The following ESPL1 variants were observed in gnomAD, a reference collection of about 807,000 sequenced individuals.
ESPL1 encodes the protein separin.
Under a neutral mutation model 217.2 loss-of-function variants are expected in ESPL1, and 50 were observed. The ratio of observed to expected loss-of-function variants is 0.23; its 90% CI spans 0.18 to 0.29. The LOEUF (loss-of-function observed/expected upper bound fraction) is 0.29, where lower values mean the gene tolerates loss of function less well. Among genes scored for constraint, ESPL1 ranks in the 10% least tolerant of loss-of-function variants. The pLI is 1.00. For missense variants in ESPL1, 1,834 were observed against 2,603.0 expected (o/e 0.70, Z 6.43); for synonymous variants, 994 against 1,081.3 (o/e 0.92, Z 1.58).
intron 7 of ESPL1, 43 bp downstream of exon 7, chr12:53,275,053 A>T (rs547227185): frequency 6.8e-7 from 1 of 1,461,242 alleles, no homozygotes; most frequent in African/African-American, 1.4e-5. Flanking sequence ...TTGTAATCCC[A>T]GCACTTTGGG....
intron 6 of ESPL1, among the ~76,000 whole-genome samples, chr12:53,273,833 T>G: frequency 7.0e-6 from 1 of 143,802 alleles, no homozygotes; most frequent in Non-Finnish European, 1.5e-5. Flanking sequence ...TCTTGGTTTT[T>G]TGGTTTTTTT....
intron 3 of ESPL1, 58 bp downstream of exon 3, chr12:53,270,143 T>G: frequency 6.9e-7 from 1 of 1,445,268 alleles, no homozygotes; most frequent in Non-Finnish European, 9.5e-7. Context: ...ACTACCAGCC[T>G]AGGGTATTTG....
Position 53,282,394 on chromosome 12 carries a change from A to G in ESPL1, c.2750A>G (p.Asn917Ser), listed in dbSNP as rs1340462866. Residue 917 changes from asparagine (N) to serine (S), a missense_variant, in exon 14 of 31, where the codon AAC becomes AGC. Asn to Ser is a conservative substitution (Grantham distance 46, BLOSUM62 1). This residue lies in a region of ESPL1 where 107 missense variants were observed against 171.7 expected (regional missense o/e 0.62). Transcript: ENST00000257934. The surrounding 1 kb of genome is among the most constrained non-coding windows in gnomAD (Gnocchi z 4.0). ...LVAAYLSLPS[N>S]NLSHSLWEQL... Reference sequence around the variant, plus strand: ...GCAGCTTACCTTAGCCTCCCGTCAAACAACCTCTCACACTCCCTGTGGGAG... The same window carrying G: ...GCAGCTTACCTTAGCCTCCCGTCAAGCAACCTCTCACACTCCCTGTGGGAG... 4.3e-6 allele frequency: 7 copies of G among 1,614,008 alleles called. No homozygotes were observed. The highest frequency in any genetic ancestry group is 5.1e-6 in the Non-Finnish European group (6 of 1,180,018).
Position 53,274,812 on chromosome 12 carries a change from G to T in ESPL1, c.1507-5G>T, listed in dbSNP as rs1409198872. On this transcript the variant is annotated splice_region_variant and splice_polypyrimidine_tract_variant and intron_variant, in intron 6 of 30. Coordinates refer to ENST00000257934, the MANE Select transcript of ESPL1 (RefSeq NM_012291.5). The stretch of plus-strand genomic sequence containing the variant: ...CAGTTTGGTCTGTTCCCTTTCTCTG[G>T]TCAGTTGCACAGGTGCTTCCGGCTA... 1.2e-6 allele frequency: 2 copies of T among 1,613,198 alleles called. No homozygotes were observed. Among genetic ancestry groups the T allele is most frequent in the Admixed American group, 3.3e-5 (2 of 59,960 alleles).
chr12:53,290,056 A>G (rs777333073), intron 22 of ESPL1, 29 bp from the exon 23 acceptor site: 2 of 1,603,878 alleles, frequency 1.2e-6, no homozygotes, highest in African/African-American at 2.7e-5. Context: ...TTAACAGCTG[A>G]ATGAGTCTGG....
chr12:53,272,693 G>T (rs200564256), intron 5 of ESPL1, 28 bp from the exon 6 acceptor site: 45 of 1,609,078 alleles, frequency 2.8e-5, no homozygotes, highest in Non-Finnish European at 1.0e-5. Flanking sequence ...CCTTTCCTAT[G>T]GTCAATTGTG....
intron 17 of ESPL1, among the ~76,000 whole-genome samples, chr12:53,284,687 C>G (rs899549269): frequency 2.6e-5 from 4 of 152,010 alleles, no homozygotes; most frequent in Admixed American, 2.6e-4. Flanking sequence ...TTCAGTGCTT[C>G]CTAATACATT....
At chr12:53,268,975 C>T in intron 2 of ESPL1, 49 bp from the exon 3 acceptor site, 2 of 1,542,488 alleles carry the variant, frequency 1.3e-6, no homozygotes, top group Non-Finnish European at 8.9e-7. Context: ...ACTTTCTCTA[C>T]CTCTTTCCTG....
intron 24 of ESPL1, 46 bp from the exon 25 acceptor site, chr12:53,290,795 A>G: frequency 2.0e-6 from 3 of 1,528,772 alleles, no homozygotes; most frequent in Non-Finnish European, 2.7e-6. Flanking sequence ...TGTGAGAAAG[A>G]AGCTTGGTTT....
chr12:53,273,166 G>A (rs983100505), intron 6 of ESPL1, among the ~76,000 whole-genome samples: 1 of 150,658 alleles, frequency 6.6e-6, no homozygotes, highest in South Asian at 2.1e-4. Flanking sequence ...AGCCTCCCAA[G>A]TAGCTGGGAT....
intron 7 of ESPL1, 28 bp downstream of exon 7, chr12:53,275,038 C>A: frequency 6.7e-7 from 1 of 1,487,672 alleles, no homozygotes; most frequent in South Asian, 1.4e-5. Context: ...CGCAGTGGCT[C>A]ATGCTTGTAA....
Position 53,288,323 on chromosome 12 carries a change from G to T in ESPL1, c.4528G>T (p.Gly1510Trp). 6.2e-7 allele frequency: 1 copy of T among 1,600,438 alleles called. No homozygotes were observed. Among genetic ancestry groups the T allele is most frequent in the South Asian group, 1.1e-5 (1 of 89,306 alleles). The change falls in exon 19 of 31, where the codon GGG becomes TGG. Residue 1510 changes from glycine (G) to tryptophan (W), a missense_variant. Coordinates refer to ENST00000257934, the MANE Select transcript of ESPL1 (RefSeq NM_012291.5). ...CTTTGAGATCCTCAGGGGCTCTGAC[G>T]GGGAAGACTCAGCCTCAGGTAGGAC... ...MSFEILRGSD[G>W]EDSASGGKTP... is the part of the protein sequence containing the mutation.
At position 53,269,339 on chromosome 12, in the gene ESPL1, C is replaced by T. The variant is rs367795450; in HGVS notation, c.397C>T (p.Arg133Cys). The change falls in exon 3 of 31, where the codon CGC becomes TGC. Residue 133 changes from arginine (R) to cysteine (C), a missense_variant. By Grantham distance (180) the Arg-to-Cys change is radical. This residue lies in a region of ESPL1 where 746 missense variants were observed against 1,077.0 expected (regional missense o/e 0.69). Transcript: ENST00000257934. This position sits in a 1 kb window ranked among gnomAD's most constrained non-coding sequence, Gnocchi z 6.7. ...CCATGCCTGCTTGGTGCAGTGCTCT[C>T]GCGAGGCTGCTCCCCAGGACTATGA... The part of the protein sequence containing the change: ...PLHACLVQCS[R>C]EAAPQDYEAV... 6.2e-7 allele frequency: 1 copy of T among 1,614,122 alleles called. No individual in the cohort carries two copies. The highest frequency in any genetic ancestry group is 8.5e-7 in the Non-Finnish European group (1 of 1,180,044).
At chr12:53,268,666 C>A (rs1248508735) in intron 1 of ESPL1, 89 bp from the exon 2 acceptor site, 9 of 727,284 alleles carry the variant, frequency 1.2e-5, no homozygotes, top group African/African-American at 3.5e-5. Context: ...TGATGTGATT[C>A]TTTGCCTCCT....
chr12:53,291,068 C>T, intron 25 of ESPL1, 72 bp downstream of exon 25: 1 of 1,340,662 alleles, frequency 7.5e-7, no homozygotes, highest in Non-Finnish European at 1.0e-6. Context: ...TTTGGGAGGC[C>T]AAGGCAGATG....
rs777625694 is a variant in ESPL1 at position 53,288,169 on chromosome 12, C to T, written c.4374C>T (p.Ala1458=). The change falls in exon 19 of 31, where the codon GCC becomes GCT. Residue 1458 remains alanine, a synonymous_variant. Coordinates refer to ENST00000257934, the MANE Select transcript of ESPL1 (RefSeq NM_012291.5). The part of the protein sequence containing the change: ...NPGLNGRSRR[A]KKVASRHCEE... ...GCCTGAATGGCAGGAGCCGGAGGGC[C>T]AAGAAGGTGGCATCAAGACATTGTG... 6.2e-7 allele frequency: 1 copy of T among 1,612,406 alleles called. No homozygotes were observed. The highest frequency in any genetic ancestry group is 1.3e-5 in the African/African-American group (1 of 74,934).
At chr12:53,268,682 G>A (rs1943611331) in intron 1 of ESPL1, 73 bp from the exon 2 acceptor site, 4 of 868,372 alleles carry the variant, frequency 4.6e-6, no homozygotes, top group African/African-American at 1.7e-5. Flanking sequence ...CTCCTTCCAC[G>A]ACCTTCAGCC....
intron 7 of ESPL1, 150 bp from the exon 8 acceptor site, chr12:53,276,470 G>A: frequency 1.2e-6 from 1 of 862,430 alleles, no homozygotes; most frequent in African/African-American, 1.7e-5. Context: ...TTGTTAAACA[G>A]AGGAGCAATG....
At chr12:53,285,206 A>G (rs1943926992) in intron 17 of ESPL1, among the ~76,000 whole-genome samples, 1 of 152,108 alleles carries the variant, frequency 6.6e-6, no homozygotes, top group Admixed American at 6.6e-5. Flanking sequence ...TGTCTCCCCA[A>G]TCACATATAC....
Sources: allele counts gnomAD v4.1 joint callset (sites outside exome capture counted in the v4.1 genomes callset), GRCh38; gene constraint gnomAD v4.1.1; regional missense constraint gnomAD v4.1.1; non-coding constraint Gnocchi (gnomAD v3.1); transcripts MANE v1.5; gene names NCBI Gene and HGNC (gene_info 2026-07-23, HGNC 2026-07-21).